Variants in ZNF536 observed in about 807,000 individuals in gnomAD.
ZNF536 encodes zinc finger protein 536.
A neutral mutation model predicts 84.5 loss-of-function variants in ZNF536; 13 were observed. The ratio of observed to expected loss-of-function variants is 0.15; its 90% CI spans 0.10 to 0.24. The LOEUF (loss-of-function observed/expected upper bound fraction) is 0.24. Among genes scored for constraint, ZNF536 ranks in the 10% least tolerant of loss-of-function variants. The pLI is 1.00. For missense variants in ZNF536, 1,536 were observed against 1,747.5 expected (o/e 0.88, Z 2.16); for synonymous variants, 811 against 742.5 (o/e 1.09, Z -1.50).
chr19:30,410,355 G>A (rs1475974138), intron 1 of ZNF536, among the ~76,000 whole-genome samples: 2 of 150,068 alleles, frequency 1.3e-5, no homozygotes, highest in African/African-American at 2.5e-5. Flanking sequence ...TTTTCCAACT[G>A]ATATATAAGA....
chr19:30,425,494 G>T (rs919493722), intron 1 of ZNF536, among the ~76,000 whole-genome samples: 1 of 152,200 alleles, frequency 6.6e-6, no homozygotes, highest in East Asian at 1.9e-4. Flanking sequence ...TGATCCAGGG[G>T]CTCAAATGTC....
At position 30,541,411 on chromosome 19, in the gene ZNF536, A is replaced by T. The variant is rs867982620; in HGVS notation, c.2323+6412A>T. 5.0e-3 allele frequency among the ~76,000 whole-genome samples: 761 copies of T among 152,030 alleles called. 7 individuals are homozygous for T. The highest frequency in any genetic ancestry group is 0.017 in the African/African-American group (709 of 41,416). On this transcript the variant is annotated intron_variant, in intron 3 of 4. Transcript: ENST00000355537. The stretch of plus-strand genomic sequence containing the variant: ...TGAGTAATGATGAAAAAAAAAAAAA[A>T]ATCTCCAAAAGGAGATAAGTCTTTT...
At chr19:30,479,649 C>T (rs948966566) in intron 2 of ZNF536, among the ~76,000 whole-genome samples, 4 of 152,222 alleles carry the variant, frequency 2.6e-5, no homozygotes, top group East Asian at 3.9e-4. Context: ...TGGCCACCTG[C>T]GCTTGTTCCA....
chr19:30,388,530 G>A (rs2147295231), intron 1 of ZNF536, among the ~76,000 whole-genome samples: 1 of 152,204 alleles, frequency 6.6e-6, no homozygotes, highest in East Asian at 1.9e-4. Flanking sequence ...CCCGGGGCTT[G>A]CCATCCAGGT....
intron 2 of ZNF536, among the ~76,000 whole-genome samples, chr19:30,335,526 G>A (rs1451543057): frequency 6.6e-6 from 1 of 152,144 alleles, no homozygotes; most frequent in Admixed American, 6.5e-5. Flanking sequence ...CACGTGTTCA[G>A]CAGGTGCTGA....
At chr19:30,689,360 C>T (rs1218713193) in intron 1 of ZNF536, among the ~76,000 whole-genome samples, 1 of 152,172 alleles carries the variant, frequency 6.6e-6, no homozygotes, top group African/African-American at 2.4e-5. Flanking sequence ...AGCTCAAATG[C>T]CAAAAACATG....
At chr19:30,546,603 G>A (rs979192777) in intron 3 of ZNF536, among the ~76,000 whole-genome samples, 3 of 152,174 alleles carry the variant, frequency 2.0e-5, no homozygotes, top group African/African-American at 7.2e-5. Context: ...CATGCCTTCC[G>A]CTGAGACTAG....
intron 4 of ZNF536, 51 bp from the exon 5 acceptor site, chr19:30,557,106 T>C (rs766810317): frequency 6.2e-7 from 1 of 1,611,032 alleles, no homozygotes; most frequent in Non-Finnish European, 8.5e-7. Context: ...CAAATGCCTC[T>C]AGCCCTGATG....
intron 1 of ZNF536, among the ~76,000 whole-genome samples, chr19:30,431,719 T>C (rs929627354): frequency 1.3e-5 from 2 of 152,166 alleles, no homozygotes; most frequent in Non-Finnish European, 2.9e-5. Flanking sequence ...TGTAGCCTGA[T>C]GTCTATTCCC....
At chr19:30,353,309 G>A (rs1191003894) in intron 3 of ZNF536, among the ~76,000 whole-genome samples, 1 of 152,234 alleles carries the variant, frequency 6.6e-6, no homozygotes, top group Non-Finnish European at 1.5e-5. Flanking sequence ...GCACGAGACA[G>A]TGGTGGTGCT....
intron 1 of ZNF536, among the ~76,000 whole-genome samples, chr19:30,638,319 G>A (rs1359749354): frequency 6.6e-6 from 1 of 152,174 alleles, no homozygotes; most frequent in Non-Finnish European, 1.5e-5. Flanking sequence ...CTAAGACTGG[G>A]TAATTTATAA....
At chr19:30,470,826 T>C (rs927203734) in intron 2 of ZNF536, among the ~76,000 whole-genome samples, 2 of 151,818 alleles carry the variant, frequency 1.3e-5, no homozygotes, top group African/African-American at 4.8e-5. Flanking sequence ...GCTGGGATTA[T>C]AGGTGCATGC....
chr19:30,344,157 A>G (rs2047654766), intron 2 of ZNF536, among the ~76,000 whole-genome samples: 1 of 151,536 alleles, frequency 6.6e-6, no homozygotes, highest in South Asian at 2.1e-4. Flanking sequence ...TTGGCAGACA[A>G]GGACAGCCAG....
intron 1 of ZNF536, 48 bp from the exon 2 acceptor site, chr19:30,443,512 GC>G: frequency 2.7e-6 from 4 of 1,499,638 alleles, no homozygotes; most frequent in Non-Finnish European, 3.6e-6. Flanking sequence ...TTGATTCATG[GC>G]GCCACAGCCG....
chr19:30,565,713 T>C (rs115046009), intron 1 of ZNF536, among the ~76,000 whole-genome samples: 2 of 152,172 alleles, frequency 1.3e-5, no homozygotes, highest in Non-Finnish European at 2.9e-5. Flanking sequence ...CCTTCTGTCA[T>C]CTCCAATGCC....
At position 30,546,373 on chromosome 19, in the gene ZNF536, C is replaced by T. The variant is rs1316275593; in HGVS notation, c.2324-1570C>T. 3.3e-5 allele frequency among the ~76,000 whole-genome samples: 5 copies of T among 152,322 alleles called. No homozygotes were observed. In the East Asian group the frequency reaches 5.8e-4, roughly 18 times the overall value. On this transcript the variant is annotated intron_variant, in intron 3 of 4. Coordinates refer to ENST00000355537, the MANE Select transcript of ZNF536 (RefSeq NM_014717.3). ...GAGAAACAGATTCCCTGCTGGGTTCCCTTCCTAGACCTAAGGGCCACCTCT... is the reference window on the plus strand; with the variant it reads ...GAGAAACAGATTCCCTGCTGGGTTCTCTTCCTAGACCTAAGGGCCACCTCT...
chr19:30,421,356 C>A (rs1174986160), intron 1 of ZNF536, among the ~76,000 whole-genome samples: 1 of 151,978 alleles, frequency 6.6e-6, no homozygotes, highest in Non-Finnish European at 1.5e-5. Context: ...GAGAAGCAAG[C>A]CATTGGTGGT....
Position 30,518,487 on chromosome 19 carries a change from C to T in ZNF536, c.2171-16360C>T, listed in dbSNP as rs1018639392. On this transcript the variant is annotated intron_variant, in intron 2 of 4. Transcript: ENST00000355537. ...AAATGTATTCCTGTGCAATTTTCCC[C>T]GAAGGAGAAGTCAGAGGATAAGGGG... Among the ~76,000 whole-genome samples, 6 of 152,132 alleles carry T rather than the reference C, an allele frequency of 3.9e-5. No individual in the cohort carries two copies. In the East Asian group the frequency reaches 7.7e-4, roughly 20 times the overall value.
chr19:30,710,123 T>C (rs1383575369), intron 1 of ZNF536, among the ~76,000 whole-genome samples: 1 of 152,238 alleles, frequency 6.6e-6, no homozygotes, highest in Non-Finnish European at 1.5e-5. Flanking sequence ...TCTAAATACC[T>C]ACACAGTATC....
Sources: gnomAD v4.1 joint callset for allele counts (sites outside exome capture counted in the v4.1 genomes callset) on GRCh38, gnomAD v4.1.1 for gene constraint, MANE v1.5 for transcripts, NCBI Gene and HGNC (gene_info 2026-07-23, HGNC 2026-07-21) for gene names.